The following NYAP2 variants were observed in gnomAD, a reference collection of about 807,000 sequenced individuals.
NYAP2 encodes neuronal tyrosine-phosphorylated phosphoinositide-3-kinase adaptor 2, also known as neuronal tyrosine-phosphorylated phosphoinositide-3-kinase adapter 2.
A neutral mutation model predicts 50.4 loss-of-function variants in NYAP2; 23 were observed. The observed-to-expected ratio is 0.46, with a 90% CI of 0.33 to 0.65. NYAP2 has a LOEUF of 0.65. Among genes scored for constraint, NYAP2 ranks in the 30% least tolerant of loss-of-function variants. NYAP2 has a pLI of 0.02. For missense variants in NYAP2, 885 were observed against 861.0 expected (o/e 1.03, Z -0.35); for synonymous variants, 394 against 365.2 (o/e 1.08, Z -0.90).
At chr2:225,537,155 C>T (rs922125987) in intron 4 of NYAP2, among the ~76,000 whole-genome samples, 1 of 152,136 alleles carries the variant, frequency 6.6e-6, no homozygotes. Flanking sequence ...CCATCCCAGC[C>T]TCTGGTAATC....
intron 3 of NYAP2, among the ~76,000 whole-genome samples, chr2:225,494,706 A>G (rs1280432655): frequency 6.6e-6 from 1 of 152,128 alleles, no homozygotes; most frequent in Non-Finnish European, 1.5e-5. Flanking sequence ...GCTTGGTGAT[A>G]TTGTCTATGG....
At chr2:225,502,530 C>T (rs2106178545) in intron 3 of NYAP2, among the ~76,000 whole-genome samples, 1 of 152,306 alleles carries the variant, frequency 6.6e-6, no homozygotes, top group Non-Finnish European at 1.5e-5. Context: ...TGCCTTTGGG[C>T]CAAACACTGT....
At chr2:225,427,278 G>C (rs1008653939) in intron 3 of NYAP2, among the ~76,000 whole-genome samples, 1 of 152,152 alleles carries the variant, frequency 6.6e-6, no homozygotes, top group Non-Finnish European at 1.5e-5. Flanking sequence ...GTCCACAAAA[G>C]GGACAATTTT....
At position 225,453,391 on chromosome 2, in the gene NYAP2, A is replaced by C. The variant is rs116213017; in HGVS notation, c.221+44290A>C. 5.4e-3 allele frequency among the ~76,000 whole-genome samples: 822 copies of C among 152,334 alleles called. 7 individuals carry two copies. The highest frequency in any genetic ancestry group is 0.018 in the African/African-American group (769 of 41,570). ...GATCTAATTCAAGGGGATTGGCTCT[A>C]AGATTCTGTTATTTCTTTCAAGCTT... On this transcript the variant is annotated intron_variant, in intron 3 of 6. Coordinates refer to ENST00000636099, the Ensembl canonical transcript of NYAP2.
intron 5 of NYAP2, 138 bp downstream of exon 5, chr2:225,583,173 T>C: frequency 9.3e-7 from 1 of 1,078,630 alleles, no homozygotes; most frequent in Middle Eastern, 3.1e-4. Context: ...GCAAACAAAA[T>C]GTGTTAGTTC....
chr2:225,419,701 G>A (rs1574605157), intron 3 of NYAP2, among the ~76,000 whole-genome samples: 1 of 152,270 alleles, frequency 6.6e-6, no homozygotes, highest in East Asian at 1.9e-4. Context: ...TATTGTATTT[G>A]TATTAATATT....
chr2:225,484,691 A>G (rs913330529), intron 3 of NYAP2, among the ~76,000 whole-genome samples: 5 of 152,152 alleles, frequency 3.3e-5, no homozygotes, highest in African/African-American at 1.2e-4. Flanking sequence ...ATATTTTCTC[A>G]CTTGGAGAAT....
chr2:225,607,760 G>A (rs1311645291), intron 5 of NYAP2, among the ~76,000 whole-genome samples: 1 of 152,080 alleles, frequency 6.6e-6, no homozygotes, highest in African/African-American at 2.4e-5. Flanking sequence ...CACACTGTCA[G>A]GTCTTAAATG....
rs1012270757 is a variant in NYAP2, at chr2:225,516,325, C to T, written c.523+2653C>T. On this transcript the variant is annotated intron_variant, in intron 4 of 6. Coordinates refer to ENST00000636099, the Ensembl canonical transcript of NYAP2. Reference sequence around the variant, plus strand: ...TTTATTTCTTCTGAAGACAAAGTAGCAAATGTGGTTGAACTGTAGCAGCAA... The same window carrying T: ...TTTATTTCTTCTGAAGACAAAGTAGTAAATGTGGTTGAACTGTAGCAGCAA... 2.6e-4 allele frequency among the ~76,000 whole-genome samples: 39 copies of T among 152,078 alleles called. 1 individual carries two copies. Among genetic ancestry groups the T allele is most frequent in the African/African-American group, 9.2e-4 (38 of 41,404 alleles).
chr2:225,582,545 C>T lies in NYAP2; in HGVS notation c.1128C>T (p.Ala376=), dbSNP rs370093403. ...ACGTGTCTTACATGAAACAGCCAGCCGGGGCGTCGCCCTCCACGCTGCCGT... is the reference window on the plus strand; with the variant it reads ...ACGTGTCTTACATGAAACAGCCAGCTGGGGCGTCGCCCTCCACGCTGCCGT... The change falls in exon 5 of 7, where the codon GCC becomes GCT. Residue 376 remains alanine (A), a synonymous_variant. Coordinates refer to ENST00000636099, the Ensembl canonical transcript of NYAP2. This position sits in a 1 kb window ranked among gnomAD's most constrained non-coding sequence, Gnocchi z 7.0. The T allele has an allele frequency of 2.5e-6, 4 of 1,578,996 alleles. No individual in the cohort carries two copies. The highest frequency in any genetic ancestry group is 1.4e-5 in the African/African-American group (1 of 73,904).
At chr2:225,663,770 A>G in the NYAP2 span, among the ~76,000 whole-genome samples, 4 of 152,070 alleles carry the variant, frequency 2.6e-5, no homozygotes, top group East Asian at 3.9e-4. Flanking sequence ...GTTGGCCAGG[A>G]TGGTCTTGAT....
At chr2:225,446,243 TC>T (rs1689558345) in intron 3 of NYAP2, among the ~76,000 whole-genome samples, 3 of 107,806 alleles carry the variant, frequency 2.8e-5, no homozygotes, top group African/African-American at 1.1e-4. Context: ...TCTCTCTCTC[TC>T]TCTATATATA....
Position 225,509,074 on chromosome 2 carries a change from C to T in NYAP2, c.222-4297C>T, listed in dbSNP as rs114084480. On this transcript the variant is annotated intron_variant, in intron 3 of 6. Transcript: ENST00000636099. ...ATCACCGCAGTTTGTATGGGAGCTA[C>T]GACTGGTTCTCGTCATCTCCCTCCT... 8.4e-3 allele frequency among the ~76,000 whole-genome samples: 1,276 copies of T among 152,296 alleles called. 11 individuals are homozygous for T. The highest frequency in any genetic ancestry group is 0.017 in the Middle Eastern group (5 of 294).
intron 4 of NYAP2, among the ~76,000 whole-genome samples, chr2:225,573,031 A>T (rs1465396433): frequency 6.6e-6 from 1 of 152,148 alleles, no homozygotes; most frequent in Non-Finnish European, 1.5e-5. Flanking sequence ...TAATACTCAA[A>T]GGAAAGCTTA....
chr2:225,411,140 T>A (rs953939650), intron 3 of NYAP2, among the ~76,000 whole-genome samples: 1 of 152,154 alleles, frequency 6.6e-6, no homozygotes, highest in Non-Finnish European at 1.5e-5. Flanking sequence ...TACATCCTTT[T>A]GTTGTGTCCT....
chr2:225,469,434 A>C (rs1204070500), intron 3 of NYAP2, among the ~76,000 whole-genome samples: 1 of 152,206 alleles, frequency 6.6e-6, no homozygotes, highest in Non-Finnish European at 1.5e-5. Context: ...ATTGTGGAAG[A>C]TAATGTGGCA....
At position 225,582,802 on chromosome 2, in the gene NYAP2, C is replaced by T. The variant is rs865814391; in HGVS notation, c.1385C>T (p.Ser462Leu). ...CCTCCCCCTTACGACGCTGTGCATT[C>T]GGGCAGCCTCTCAAGGAGCTCTCCT... is the stretch of plus-strand genomic sequence containing the variant. Residue 462 changes from serine (S) to leucine (L), a missense_variant, in exon 5 of 7, where the codon TCG (serine) becomes TTG (leucine). Coordinates refer to ENST00000636099, the Ensembl canonical transcript of NYAP2. The surrounding 1 kb of genome is among the most constrained non-coding windows in gnomAD (Gnocchi z 7.0). The T allele has an allele frequency of 3.1e-6, 5 of 1,613,876 alleles. No individual in the cohort carries two copies. The East Asian group carries it at 8.9e-5, about 29-fold the overall frequency.
At chr2:225,599,189 T>C (rs1217727200) in intron 5 of NYAP2, among the ~76,000 whole-genome samples, 1 of 152,178 alleles carries the variant, frequency 6.6e-6, no homozygotes, top group Non-Finnish European at 1.5e-5. Context: ...AGGGGAATTG[T>C]GAGATGCTGT....
intron 3 of NYAP2, among the ~76,000 whole-genome samples, chr2:225,498,477 C>A (rs1370596872): frequency 6.6e-6 from 1 of 151,766 alleles, no homozygotes; most frequent in Non-Finnish European, 1.5e-5. Flanking sequence ...TTAAGCAGAG[C>A]TTAAATTCCT....
Sources: allele counts gnomAD v4.1 joint callset (sites outside exome capture counted in the v4.1 genomes callset), GRCh38; gene constraint gnomAD v4.1.1; non-coding constraint Gnocchi (gnomAD v3.1); transcripts MANE v1.5; gene names NCBI Gene and HGNC (gene_info 2026-07-23, HGNC 2026-07-21).